Variants in FRMD4B observed in about 807,000 individuals in gnomAD.
FRMD4B encodes FERM domain containing 4B, also known as FERM domain-containing protein 4B.
Under a neutral mutation model 141.5 loss-of-function variants are expected in FRMD4B, and 74 were observed. The ratio of observed to expected loss-of-function variants is 0.52; its 90% CI spans 0.43 to 0.63. The LOEUF (loss-of-function observed/expected upper bound fraction) is 0.63. FRMD4B is among the 30% of genes least tolerant of loss of function. The pLI is 0.00. For missense variants in FRMD4B, 1,366 were observed against 1,253.4 expected, an observed-to-expected ratio of 1.09 and a Z score of -1.36; for synonymous variants, 506 against 467.9, an observed-to-expected ratio of 1.08 and a Z score of -1.05.
intron 2 of FRMD4B, among the ~76,000 whole-genome samples, chr3:69,395,355 G>A (rs1704456373): frequency 6.6e-6 from 1 of 152,046 alleles, no homozygotes; most frequent in African/African-American, 2.4e-5. Flanking sequence ...ACTCTCCAAA[G>A]ATCAACCATA....
chr3:69,501,506 G>A (rs1316615786), intron 1 of FRMD4B, among the ~76,000 whole-genome samples: 1 of 152,120 alleles, frequency 6.6e-6, no homozygotes, highest in Non-Finnish European at 1.5e-5. Context: ...GAGGCAAGCA[G>A]AATATGTGGT....
chr3:69,291,741 A>T (rs1700882248), intron 4 of FRMD4B, among the ~76,000 whole-genome samples: 2 of 152,046 alleles, frequency 1.3e-5, no homozygotes, highest in South Asian at 2.1e-4. Flanking sequence ...TGCTCCCTAG[A>T]TCCCTGCAGA....
intron 3 of FRMD4B, among the ~76,000 whole-genome samples, chr3:69,305,807 G>A (rs969170038): frequency 6.6e-6 from 1 of 152,212 alleles, no homozygotes; most frequent in African/African-American, 2.4e-5. Context: ...ATGGAATGGT[G>A]TCTATGAATG....
chr3:69,318,788 T>C lies in FRMD4B; in HGVS notation c.163-5271A>G, dbSNP rs145551635. Among the ~76,000 whole-genome samples, 10 of 152,326 alleles carry C rather than the reference T, an allele frequency of 6.6e-5. No homozygotes were observed. The East Asian group carries it at 1.9e-3, about 29-fold the overall frequency. On this transcript the variant is annotated intron_variant, in intron 1 of 22. Transcript: ENST00000398540. ...CAGGTAATGCCACATAATTAAAAAA[T>C]CCAGATTGACAGCTTCTTTTGACAA... is the stretch of plus-strand genomic sequence containing the variant.
chr3:69,212,936 T>A (rs2093100720), intron 11 of FRMD4B, among the ~76,000 whole-genome samples: 1 of 152,192 alleles, frequency 6.6e-6, no homozygotes, highest in Non-Finnish European at 1.5e-5. Context: ...ATTTTGGTCT[T>A]GCAAAATAGA....
chr3:69,536,889 G>A (rs545324381), intron 1 of FRMD4B, among the ~76,000 whole-genome samples: 1 of 152,186 alleles, frequency 6.6e-6, no homozygotes, highest in South Asian at 2.1e-4. Flanking sequence ...TGGGATTACA[G>A]GAATGTGCCA....
chr3:69,506,697 C>A (rs1203138377), intron 1 of FRMD4B, among the ~76,000 whole-genome samples: 1 of 151,866 alleles, frequency 6.6e-6, no homozygotes, highest in African/African-American at 2.4e-5. Flanking sequence ...CCACACCCAG[C>A]TACAGCTAAT....
intron 5 of FRMD4B, among the ~76,000 whole-genome samples, chr3:69,265,687 T>C (rs1364687997): frequency 6.6e-6 from 1 of 151,876 alleles, no homozygotes; most frequent in East Asian, 2.0e-4. Flanking sequence ...GACATCGTGA[T>C]CCACCCACCT....
chr3:69,366,297 C>G (rs72940785), intron 1 of FRMD4B, among the ~76,000 whole-genome samples: 33,106 of 148,192 alleles, frequency 0.22, 5,100 homozygotes, highest in African/African-American at 0.43. Context: ...AAAAAATTGA[C>G]AACAACTTAA....
intron 7 of FRMD4B, among the ~76,000 whole-genome samples, chr3:69,243,966 A>C (rs1466553977): frequency 6.6e-6 from 1 of 152,152 alleles, no homozygotes; most frequent in Non-Finnish European, 1.5e-5. Flanking sequence ...GAATTGCTTG[A>C]ACCCGGGAGG....
intron 1 of FRMD4B, among the ~76,000 whole-genome samples, chr3:69,477,206 T>C (rs533583466): frequency 6.6e-6 from 1 of 152,258 alleles, no homozygotes; most frequent in African/African-American, 2.4e-5. Flanking sequence ...TTCCTTCTCC[T>C]GCCTGATTTC....
intron 2 of FRMD4B, among the ~76,000 whole-genome samples, chr3:69,391,879 G>T (rs1239246402): frequency 6.6e-6 from 1 of 152,184 alleles, no homozygotes; most frequent in Non-Finnish European, 1.5e-5. Flanking sequence ...CAGTCATTAG[G>T]ACAACCACAA....
chr3:69,536,287 C>T (rs1701083758), intron 1 of FRMD4B: 1 of 630,180 alleles, frequency 1.6e-6, no homozygotes, highest in Non-Finnish European at 2.9e-6. Context: ...GGCCATCTCC[C>T]TGGGCTGGAT....
chr3:69,257,057 C>T (rs547675200), intron 5 of FRMD4B, among the ~76,000 whole-genome samples: 156 of 152,306 alleles, frequency 1.0e-3, no homozygotes, highest in African/African-American at 3.4e-3. Flanking sequence ...CAGCCTACCC[C>T]TGGCTGTGAC....
intron 1 of FRMD4B, among the ~76,000 whole-genome samples, chr3:69,323,587 ACTCT>A (rs1202175989): frequency 3.9e-5 from 4 of 103,090 alleles, no homozygotes; most frequent in Admixed American, 1.0e-4. Flanking sequence ...CAAAAACCCA[ACTCT>A]CTCTCTCTCT....
chr3:69,235,150 A>AAATAATAATAATAATAAT (rs55995422), intron 7 of FRMD4B, among the ~76,000 whole-genome samples: 1 of 134,122 alleles, frequency 7.5e-6, no homozygotes, highest in African/African-American at 2.8e-5. Context: ...ACCCTGTCTC[A>AAATAATAATAATAATAAT]AATAATAATA....
chr3:69,452,289 A>G (rs575686802), intron 1 of FRMD4B, among the ~76,000 whole-genome samples: 54 of 152,394 alleles, frequency 3.5e-4, no homozygotes, highest in South Asian at 3.1e-3. Flanking sequence ...AGAAGAAGAC[A>G]GTATTGAGGA....
chr3:69,213,370 A>T (rs1435565322), intron 11 of FRMD4B, among the ~76,000 whole-genome samples: 5 of 67,588 alleles, frequency 7.4e-5, no homozygotes, highest in African/African-American at 3.1e-4. Flanking sequence ...TACTCTGGGT[A>T]AAAAAAAAAA....
In FRMD4B at chr3:69,183,350, G is replaced by A. The variant is rs151149441; in HGVS notation, c.1920-633C>T. Among the ~76,000 whole-genome samples, 138 of 152,072 alleles carry A rather than the reference G, an allele frequency of 9.1e-4. No homozygotes were observed. The Middle Eastern group carries it at 0.014, about 15-fold the overall frequency. On this transcript the variant is annotated intron_variant, in intron 19 of 22. Coordinates refer to ENST00000398540, the MANE Select transcript of FRMD4B (RefSeq NM_015123.3). ...AAACCATTCTTAGCTCACGGTCTGC[G>A]CAAAAACAGGCAGCAGGATGGATTT...
Sources: gnomAD v4.1 joint callset for allele counts (sites outside exome capture counted in the v4.1 genomes callset) on GRCh38, gnomAD v4.1.1 for gene constraint, MANE v1.5 for transcripts, NCBI Gene and HGNC (gene_info 2026-07-23, HGNC 2026-07-21) for gene names.